Variants in TLCD5 observed in about 807,000 individuals in gnomAD.
TLCD5 encodes the protein TLC domain containing 5, also known as TLC domain-containing protein 5.
A neutral mutation model predicts 20.5 loss-of-function variants in TLCD5; 15 were observed. The observed-to-expected ratio is 0.73, with a 90% confidence interval of 0.49 to 1.13. TLCD5 has a LOEUF of 1.13. Among genes scored for constraint, TLCD5 ranks in the 50% most tolerant of loss-of-function variants. The pLI is 0.00. For synonymous variants in TLCD5, 107 were observed against 114.7 expected, an observed-to-expected ratio of 0.93 and a Z score of 0.43; for missense variants, 289 against 305.6, an observed-to-expected ratio of 0.95 and a Z score of 0.41.
rs1374463388 is a variant in TLCD5 at position 120,331,636 on chromosome 11, CTGCTA to C, written c.*1124_*1128del. The stretch of plus-strand genomic sequence containing the variant: ...CCTCTCCAAGGATAGCAGTTTAGGC[CTGCTA>C]TGTTAACTCTTTTCTGCACAAAACC... On this transcript the variant is annotated 3_prime_UTR_variant, in exon 3 of 3. Transcript: ENST00000375095. This position sits in a 1 kb window ranked among gnomAD's most constrained non-coding sequence, Gnocchi z 4.5. The C allele has an allele frequency of 6.6e-6, 1 of 152,256 alleles. No homozygotes were observed. Among genetic ancestry groups the C allele is most frequent in the African/African-American group, 2.4e-5 (1 of 41,468 alleles). 9.4% of individuals were successfully genotyped at this position (152,256 alleles called of 1,614,324 possible). A position where few individuals can be genotyped will look rare whatever the true frequency, so the allele number is the denominator to read the frequency against.
At chr11:120,329,427 T>G (rs2135169094) in intron 2 of TLCD5, among the ~76,000 whole-genome samples, 1 of 152,286 alleles carries the variant, frequency 6.6e-6, no homozygotes, top group African/African-American at 2.4e-5. Flanking sequence ...TTCTAAATGG[T>G]TTCAAATATG....
chr11:120,329,004 A>AGTGTGTGTGTGTGTGTGTGTGTGTGT (rs71301641), intron 2 of TLCD5, among the ~76,000 whole-genome samples: 4 of 7,542 alleles, frequency 5.3e-4, no homozygotes, highest in African/African-American at 2.0e-3. Flanking sequence ...TAACAGTCAT[A>AGTGTGTGTGTGTGTGTGTGTGTGTGT]GTGTGTGTGT....
intron 1 of TLCD5, among the ~76,000 whole-genome samples, chr11:120,326,893 T>A (rs569736845): frequency 1.3e-5 from 2 of 152,306 alleles, no homozygotes; most frequent in Non-Finnish European, 2.9e-5. Flanking sequence ...TGTATTTAAG[T>A]TTATCCCAAG....
rs1489868745 is a variant in TLCD5, at chr11:120,332,799, G to A, written c.*2284G>A. ...ACCCGCCTCGGCCTCCCAAAGTGCT[G>A]GGATTACAGGTGTGAGCCACCGTGC... is the stretch of plus-strand genomic sequence containing the variant. On this transcript the variant is annotated 3_prime_UTR_variant, in exon 3 of 3. Transcript: ENST00000375095. This position sits in a 1 kb window ranked among gnomAD's most constrained non-coding sequence, Gnocchi z 4.2. 6.6e-6 allele frequency: 1 copy of A among 152,194 alleles called. No homozygotes were observed. Among genetic ancestry groups the A allele is most frequent in the African/African-American group, 2.4e-5 (1 of 41,392 alleles). 9.4% of individuals were successfully genotyped at this position (152,194 alleles called of 1,614,324 possible). A position where few individuals can be genotyped will look rare whatever the true frequency, so the allele number is the denominator to read the frequency against.
intron 2 of TLCD5, 86 bp downstream of exon 2, chr11:120,327,726 T>C (rs1942035170): frequency 7.8e-7 from 1 of 1,281,184 alleles, no homozygotes; most frequent in Non-Finnish European, 1.1e-6. Flanking sequence ...TGTACAATAC[T>C]GAAGACTAAT....
At position 120,327,640 on chromosome 11, in the gene TLCD5, G is replaced by A; in HGVS notation, c.199G>A (p.Gly67Ser). The A allele has an allele frequency of 6.2e-7, 1 of 1,610,814 alleles. No homozygotes were observed. The highest frequency in any genetic ancestry group is 1.7e-5 in the Admixed American group (1 of 59,472). The change falls in exon 2 of 3, where the codon GGC becomes AGC. Residue 67 changes from glycine (G) to serine (S), a missense_variant and splice_region_variant. Gly to Ser is a moderately conservative substitution (Grantham distance 56, BLOSUM62 0). Coordinates refer to ENST00000375095, the MANE Select transcript of TLCD5 (RefSeq NM_001198671.2). ...TGGCCCATGGCCTTTTACCCACCCA[G>A]GTAGGTAGGGGATTTTCCCTTAGGG... ...IDGPWPFTHPGSPNTPLQVHV... is the reference protein window; with the variant it reads ...IDGPWPFTHPSSPNTPLQVHV...
At chr11:120,328,762 T>TTGTGTGTGTG (rs1165132439) in intron 2 of TLCD5, among the ~76,000 whole-genome samples, 5 of 12,334 alleles carry the variant, frequency 4.1e-4, no homozygotes, top group African/African-American at 1.3e-3. Flanking sequence ...AACAGTCATA[T>TTGTGTGTGTG]TGTGTGTGTG....
intron 2 of TLCD5, among the ~76,000 whole-genome samples, chr11:120,328,348 T>C (rs1344879037): frequency 1.3e-5 from 2 of 152,190 alleles, no homozygotes; most frequent in African/African-American, 4.8e-5. Context: ...CCCAAAGTGC[T>C]GGGATTACAG....
chr11:120,329,079 ATT>A (rs1942089539), intron 2 of TLCD5, among the ~76,000 whole-genome samples: 2 of 124,458 alleles, frequency 1.6e-5, no homozygotes, highest in African/African-American at 6.6e-5. Flanking sequence ...TAACAGTCAT[ATT>A]GTGTGTGTGT....
chr11:120,333,290 T>C lies in TLCD5; in HGVS notation c.*2775T>C, dbSNP rs1365195353. 1 of 152,210 alleles carries C rather than the reference T, an allele frequency of 6.6e-6. No homozygotes were observed. The highest frequency in any genetic ancestry group is 1.5e-5 in the Non-Finnish European group (1 of 68,042). 9.4% of individuals were successfully genotyped at this position (152,210 alleles called of 1,614,324 possible). ...TCTGGTACCAATTCTTTTTCTCTCT[T>C]ACTCCTCAGAAGTGAAGGGACTGCA... On this transcript the variant is annotated 3_prime_UTR_variant, in exon 3 of 3. Coordinates refer to ENST00000375095, the MANE Select transcript of TLCD5 (RefSeq NM_001198671.2). This position sits in a 1 kb window ranked among gnomAD's most constrained non-coding sequence, Gnocchi z 4.5.
In TLCD5 at chr11:120,330,170, T is replaced by C. The variant is rs1942117371; in HGVS notation, c.393T>C (p.Phe131=). The part of the protein sequence containing the change: ...ESGTEVNAVL[F]GSELTNPLLQ... ...GCACAGAGGTCAATGCAGTCCTCTTTGGAAGTGAGCTTACCAACCCCTTGC... is the reference window on the plus strand; with the variant it reads ...GCACAGAGGTCAATGCAGTCCTCTTCGGAAGTGAGCTTACCAACCCCTTGC... The change falls in exon 3 of 3, where the codon TTT becomes TTC. Residue 131 remains phenylalanine, a synonymous_variant. Transcript: ENST00000375095. The C allele has an allele frequency of 6.3e-7, 1 of 1,596,142 alleles. No individual in the cohort carries two copies. The highest frequency in any genetic ancestry group is 8.5e-7 in the Non-Finnish European group (1 of 1,170,186).
intron 1 of TLCD5, among the ~76,000 whole-genome samples, chr11:120,326,759 C>T (rs1294255657): frequency 6.6e-6 from 1 of 152,188 alleles, no homozygotes; most frequent in Non-Finnish European, 1.5e-5. Context: ...CAAAAACTCC[C>T]CTCCTCTTGA....
intron 1 of TLCD5, among the ~76,000 whole-genome samples, chr11:120,325,583 C>A (rs755868108): frequency 6.6e-5 from 10 of 152,110 alleles, no homozygotes; most frequent in Non-Finnish European, 1.0e-4. Flanking sequence ...CGGGCGTGGC[C>A]GAGCGTCGCA....
At position 120,327,463 on chromosome 11, in the gene TLCD5, C is replaced by T; in HGVS notation, c.22C>T (p.Gln8Ter). 6.2e-7 allele frequency: 1 copy of T among 1,614,196 alleles called. No individual in the cohort carries two copies. The highest frequency in any genetic ancestry group is 8.5e-7 in the Non-Finnish European group (1 of 1,180,030). Residue 8 changes from glutamine to a stop codon, truncating the protein, a stop_gained, in exon 2 of 3, where the codon CAG becomes TAG. Transcript: ENST00000375095. LOFTEE classifies it high-confidence loss of function. MALALCL[Q>*]VLCSLCGWLS... ...CAGGATGGCATTAGCTCTGTGTCTGCAGGTGCTGTGCAGCCTGTGTGGCTG... is the reference window on the plus strand; with the variant it reads ...CAGGATGGCATTAGCTCTGTGTCTGTAGGTGCTGTGCAGCCTGTGTGGCTG...
At chr11:120,326,682 G>T (rs1942007937) in intron 1 of TLCD5, among the ~76,000 whole-genome samples, 1 of 152,138 alleles carries the variant, frequency 6.6e-6, no homozygotes, top group South Asian at 2.1e-4. Context: ...AAGTTCCAAG[G>T]TACAGCTTTC....
chr11:120,329,859 G>T, intron 2 of TLCD5, 118 bp from the exon 3 acceptor site: 1 of 984,472 alleles, frequency 1.0e-6, no homozygotes, highest in Non-Finnish European at 1.5e-6. Flanking sequence ...GCATGTGCCT[G>T]CTATTGTTTT....
chr11:120,328,842 A>AGTGTGT lies in TLCD5; in HGVS notation c.200-1118_200-1113dup, dbSNP rs67336059. 9.2e-4 allele frequency among the ~76,000 whole-genome samples: 34 copies of AGTGTGT among 36,844 alleles called. 1 individual carries two copies. The highest frequency in any genetic ancestry group is 1.4e-3 in the African/African-American group (11 of 8,028). The allele number at this position is 36,844 out of a possible 152,430, so 24.2% of individuals were successfully genotyped here. A position where few individuals can be genotyped will look rare whatever the true frequency, so the allele number is the denominator to read the frequency against. On this transcript the variant is annotated intron_variant, in intron 2 of 2. Coordinates refer to ENST00000375095, the MANE Select transcript of TLCD5 (RefSeq NM_001198671.2). ...AATCCCTTCTAAGGATAACAGTCAT[A>AGTGTGT]GTGTGTGTGTGTGTGTGTGTGTATG...
In TLCD5 at chr11:120,327,775, C is replaced by A. The variant is rs1185016785; in HGVS notation, c.199+135C>A. ...TTGTATTGGAATCCTTATTCTTCTT[C>A]ATTGTTAACTCTGATATTGTTTATG... On this transcript the variant is annotated intron_variant, in intron 2 of 2. Coordinates refer to ENST00000375095, the MANE Select transcript of TLCD5 (RefSeq NM_001198671.2). The A allele has an allele frequency of 4.6e-6, 4 of 871,148 alleles. No homozygotes were observed. The East Asian group carries it at 1.1e-4, about 24-fold the overall frequency. The allele number at this position is 871,148 out of a possible 1,614,324, so 54.0% of individuals were successfully genotyped here. A position where few individuals can be genotyped will look rare whatever the true frequency, so the allele number is the denominator to read the frequency against.
chr11:120,330,231 T>C lies in TLCD5; in HGVS notation c.454T>C (p.Tyr152His), dbSNP rs1163325383. 6.4e-7 allele frequency: 1 copy of C among 1,553,932 alleles called. No homozygotes were observed. The highest frequency in any genetic ancestry group is 1.4e-5 in the African/African-American group (1 of 73,464). The change falls in exon 3 of 3, where the codon TAT becomes CAT. Residue 152 changes from tyrosine (Y) to histidine (H), a missense_variant. Physicochemically the swap from Tyr to His is moderately conservative, Grantham distance 83. Transcript: ENST00000375095. ...CTGGTTTCTCCGGGAAACAGGGCAC[T>C]ATCACAGTTTCACTGGAGATGTAGT... ...MRWFLRETGHYHSFTGDVVDF... is the reference protein window; with the variant it reads ...MRWFLRETGHHHSFTGDVVDF...
Sources: allele counts gnomAD v4.1 joint callset (sites outside exome capture counted in the v4.1 genomes callset), GRCh38; gene constraint gnomAD v4.1.1; non-coding constraint Gnocchi (gnomAD v3.1); transcripts MANE v1.5; gene names NCBI Gene and HGNC (gene_info 2026-07-23, HGNC 2026-07-21).